IQSEC1: variants seen among roughly 807,000 people sequenced by gnomAD.
IQSEC1 encodes the protein IQ motif and Sec7 domain ArfGEF 1.
In IQSEC1, 31 loss-of-function variants were observed where a neutral mutation model predicts 91.0. The observed-to-expected ratio is 0.34, with a 90% CI of 0.26 to 0.46. The LOEUF (loss-of-function observed/expected upper bound fraction) is 0.46, where lower values mean the gene tolerates loss of function less well. Ranked by LOEUF, IQSEC1 falls within the 20% of genes least tolerant of loss-of-function variation. IQSEC1 has a pLI of 1.00. For synonymous variants in IQSEC1, 699 were observed against 662.6 expected (o/e 1.05, Z -0.84); for missense variants, 1,388 against 1,575.6 (o/e 0.88, Z 2.02).
intron 1 of IQSEC1, among the ~76,000 whole-genome samples, chr3:12,964,250 T>C (rs571825297): frequency 6.6e-6 from 1 of 152,070 alleles, no homozygotes; most frequent in Admixed American, 6.5e-5. Context: ...AATTTGCTTT[T>C]GAGGACAAAC....
Position 13,282,995 on chromosome 3 carries a change from G to C in IQSEC1, c.-13C>G, listed in dbSNP as rs180701233. Among the ~76,000 whole-genome samples the C allele has an allele frequency of 0.13, 19,321 of 145,498 alleles. 1,349 individuals carry two copies. Among genetic ancestry groups the C allele is most frequent in the East Asian group, 0.2 (973 of 4,968 alleles). Reference sequence around the variant, plus strand: ...CGGCGCTGGCCATGGCCCCCCGCCCGGAGGCCGGCCGCGCCTCAGGCGAGC... The same window carrying C: ...CGGCGCTGGCCATGGCCCCCCGCCCCGAGGCCGGCCGCGCCTCAGGCGAGC... On this transcript the variant is annotated 5_prime_UTR_variant, in exon 1 of 16. Transcript: ENST00000648114. This position sits in a 1 kb window ranked among gnomAD's most constrained non-coding sequence, Gnocchi z 6.4.
intron 1 of IQSEC1, among the ~76,000 whole-genome samples, chr3:13,071,086 G>T (rs961701037): frequency 4.6e-5 from 7 of 151,924 alleles, no homozygotes; most frequent in African/African-American, 1.7e-4. Flanking sequence ...AAGATCCTGA[G>T]GCTTGAGCCC....
At chr3:13,180,110 TGC>T (rs1381570422) in intron 1 of IQSEC1, among the ~76,000 whole-genome samples, 4 of 31,550 alleles carry the variant, frequency 1.3e-4, no homozygotes, top group Admixed American at 3.1e-4. Context: ...AGGTGCATGG[TGC>T]GGGACTGGCA....
chr3:13,134,422 A>G (rs1257305666), intron 2 of IQSEC1, among the ~76,000 whole-genome samples: 1 of 152,248 alleles, frequency 6.6e-6, no homozygotes, highest in African/African-American at 2.4e-5. Flanking sequence ...CCTCTGTGGC[A>G]CACAGCCAGC....
At chr3:12,951,610 T>C (rs550451963) in intron 1 of IQSEC1, among the ~76,000 whole-genome samples, 2 of 152,322 alleles carry the variant, frequency 1.3e-5, no homozygotes, top group African/African-American at 4.8e-5. Context: ...CCTAAAGCCT[T>C]ACAGCCTGGC....
chr3:13,266,898 A>G (rs996962745), intron 1 of IQSEC1, among the ~76,000 whole-genome samples: 3 of 152,150 alleles, frequency 2.0e-5, no homozygotes, highest in Non-Finnish European at 4.4e-5. Context: ...CAGGCTATGA[A>G]GTGGACGGCA....
intron 1 of IQSEC1, among the ~76,000 whole-genome samples, chr3:13,253,028 G>A (rs1245078410): frequency 3.3e-5 from 5 of 152,140 alleles, no homozygotes; most frequent in African/African-American, 7.2e-5. Flanking sequence ...CACCGCACCC[G>A]GTCCCTTATT....
intron 2 of IQSEC1, among the ~76,000 whole-genome samples, chr3:13,127,743 A>G (rs1165659841): frequency 6.6e-6 from 1 of 152,184 alleles, no homozygotes; most frequent in African/African-American, 2.4e-5. Context: ...GAGAAATGAC[A>G]TCTTTACCAT....
At chr3:12,964,088 T>C (rs578196173) in intron 1 of IQSEC1, among the ~76,000 whole-genome samples, 2 of 152,308 alleles carry the variant, frequency 1.3e-5, no homozygotes, top group African/African-American at 2.4e-5. Context: ...GCAGCCAGGA[T>C]AGTGGCAGGT....
intron 2 of IQSEC1, among the ~76,000 whole-genome samples, chr3:13,095,163 G>A (rs560942876): frequency 2.0e-5 from 3 of 152,186 alleles, no homozygotes; most frequent in Non-Finnish European, 4.4e-5. Flanking sequence ...CCCAGGCTGC[G>A]ATGTGTAGTC....
At chr3:13,093,328 G>A (rs1030377417) in intron 2 of IQSEC1, among the ~76,000 whole-genome samples, 4 of 152,114 alleles carry the variant, frequency 2.6e-5, no homozygotes, top group African/African-American at 9.7e-5. Context: ...AGCCCTGCCT[G>A]CTGCAGGGAT....
chr3:13,000,470 T>A (rs1702376570), intron 1 of IQSEC1, among the ~76,000 whole-genome samples: 1 of 152,190 alleles, frequency 6.6e-6, no homozygotes, highest in Admixed American at 6.5e-5. Flanking sequence ...TCTATAGATG[T>A]TAGCTATTAT....
At position 12,920,474 on chromosome 3, in the gene IQSEC1, G is replaced by C. The variant is rs1696522391; in HGVS notation, c.1976C>G (p.Pro659Arg). ...NTDMYSPNVK[P>R]ERKMKLEDFI... ...GTCCTCTAGCTTCATTTTCCGCTCG[G>C]GCTTGACATTGGGGCTGTACATGTC... The change falls in exon 6 of 14, where the codon CCC becomes CGC. Residue 659 changes from proline (P) to arginine (R), a missense_variant. Physicochemically the swap from Pro to Arg is moderately radical, Grantham distance 103. Transcript: ENST00000613206. 1 of 1,614,204 alleles carries C rather than the reference G, an allele frequency of 6.2e-7. No individual in the cohort carries two copies. Among genetic ancestry groups the C allele is most frequent in the East Asian group, 2.2e-5 (1 of 44,890 alleles).
chr3:12,995,262 G>C (rs1487086070), intron 1 of IQSEC1: 1 of 152,298 alleles, frequency 6.6e-6, no homozygotes, highest in African/African-American at 2.4e-5. Flanking sequence ...CCTGCCACGA[G>C]GGGCTGTGTG....
intron 1 of IQSEC1, among the ~76,000 whole-genome samples, chr3:13,266,155 A>G (rs1576316222): frequency 6.6e-6 from 1 of 151,810 alleles, no homozygotes; most frequent in Non-Finnish European, 1.5e-5. Flanking sequence ...ATGAGGAAAC[A>G]CTCCCCCGGA....
At chr3:13,142,885 C>T (rs1387570216) in intron 2 of IQSEC1, among the ~76,000 whole-genome samples, 2 of 152,206 alleles carry the variant, frequency 1.3e-5, no homozygotes, top group East Asian at 3.8e-4. Flanking sequence ...TCTAGGAACC[C>T]CAGGCTGGCT....
At chr3:13,070,065 G>T (rs573242489) in intron 1 of IQSEC1, among the ~76,000 whole-genome samples, 4 of 139,744 alleles carry the variant, frequency 2.9e-5, no homozygotes, top group Non-Finnish European at 6.1e-5. Context: ...TGGAAGTGGC[G>T]AAAATGGAGG....
At chr3:13,187,196 T>C (rs558234758) in intron 1 of IQSEC1, among the ~76,000 whole-genome samples, 3 of 152,322 alleles carry the variant, frequency 2.0e-5, no homozygotes, top group East Asian at 3.9e-4. Context: ...TTAGGCACTA[T>C]ACTAAATGGA....
chr3:13,158,215 C>A (rs1325466986), intron 2 of IQSEC1, among the ~76,000 whole-genome samples: 2 of 152,230 alleles, frequency 1.3e-5, no homozygotes, highest in Admixed American at 6.5e-5. Flanking sequence ...AGGGACCCGG[C>A]CCAGCCCCAG....
Sources: gnomAD v4.1 joint callset for allele counts (sites outside exome capture counted in the v4.1 genomes callset) on GRCh38, gnomAD v4.1.1 for gene constraint, Gnocchi (gnomAD v3.1) non-coding constraint, MANE v1.5 for transcripts, NCBI Gene and HGNC (gene_info 2026-07-23, HGNC 2026-07-21) for gene names.